Variants in STK3 observed in about 807,000 individuals in gnomAD.
STK3 encodes the protein serine/threonine kinase 3, also known as serine/threonine-protein kinase 3.
A neutral mutation model predicts 58.0 loss-of-function variants in STK3; 41 were observed. The ratio of observed to expected loss-of-function variants is 0.71; its 90% CI spans 0.55 to 0.92. The LOEUF (loss-of-function observed/expected upper bound fraction) is 0.92, where lower values mean the gene tolerates loss of function less well. STK3 is among the 40% of genes least tolerant of loss of function. The pLI is 0.00. For synonymous variants in STK3, 170 were observed against 191.0 expected, an observed-to-expected ratio of 0.89 and a Z score of 0.91; for missense variants, 479 against 602.7, an observed-to-expected ratio of 0.79 and a Z score of 2.15.
At chr8:98,783,024 GGA>G (rs34117067) in intron 1 of STK3, among the ~76,000 whole-genome samples, 29 of 133,674 alleles carry the variant, frequency 2.2e-4, no homozygotes, top group East Asian at 6.4e-4. Context: ...AGAAGGAGAG[GGA>G]GAGAGAGAGA....
chr8:98,687,808 T>G (rs1489310577), intron 6 of STK3, among the ~76,000 whole-genome samples: 1 of 152,116 alleles, frequency 6.6e-6, no homozygotes, highest in African/African-American at 2.4e-5. Flanking sequence ...AGAATGACAT[T>G]TACTAACACA....
intron 3 of STK3, among the ~76,000 whole-genome samples, chr8:98,423,977 CA>C (rs1417168797): frequency 3.9e-5 from 6 of 152,230 alleles, no homozygotes; most frequent in Non-Finnish European, 8.8e-5. Flanking sequence ...CAGGCCAGCC[CA>C]GAGGCAGGCC....
intron 8 of STK3, among the ~76,000 whole-genome samples, chr8:98,569,001 T>C (rs775261423): frequency 2.0e-5 from 3 of 152,060 alleles, no homozygotes; most frequent in Non-Finnish European, 4.4e-5. Flanking sequence ...GGCACATTAT[T>C]AGGAAAGTTT....
Position 98,792,836 on chromosome 8 carries a change from T to C in STK3, c.27-18017A>G, listed in dbSNP as rs189621255. 6.0e-4 allele frequency among the ~76,000 whole-genome samples: 92 copies of C among 152,162 alleles called. 1 individual carries two copies. The highest frequency in any genetic ancestry group is 2.0e-3 in the African/African-American group (83 of 41,498). On this transcript the variant is annotated intron_variant, in intron 1 of 10. Coordinates refer to ENST00000419617, the MANE Select transcript of STK3 (RefSeq NM_006281.4). ...AAGTTTATAGCAGCACAGTTCGCAATTGCAAAAATGTGGAACCAACCTAAA... is the reference window on the plus strand; with the variant it reads ...AAGTTTATAGCAGCACAGTTCGCAACTGCAAAAATGTGGAACCAACCTAAA...
rs1054623035 is a variant in STK3, at chr8:98,454,904, A to T, written c.*938T>A. 1.6e-4 allele frequency: 24 copies of T among 152,510 alleles called. No individual in the cohort carries two copies. The highest frequency in any genetic ancestry group is 5.3e-4 in the African/African-American group (22 of 41,448). The allele number at this position is 152,510 out of a possible 1,614,324, so 9.4% of individuals were successfully genotyped here. A position where few individuals can be genotyped will look rare whatever the true frequency, so the allele number is the denominator to read the frequency against. ...AACATGATGTTTACCAATTCCCAGG[A>T]AATGAATAAAATCAACAGAAACATC... is the stretch of plus-strand genomic sequence containing the variant. On this transcript the variant is annotated 3_prime_UTR_variant, in exon 11 of 11. Coordinates refer to ENST00000419617, the MANE Select transcript of STK3 (RefSeq NM_006281.4).
At chr8:98,909,065 GCAGGAGAATTGCTTGAACC>G (rs1839033723) in intron 1 of STK3, among the ~76,000 whole-genome samples, 1 of 152,094 alleles carries the variant, frequency 6.6e-6, no homozygotes, top group South Asian at 2.1e-4. Context: ...GGTGGCTGAG[GCAGGAGAATTGCTTGAACC>G]CAGGAAATGG....
At chr8:98,653,527 A>G (rs962940842) in intron 6 of STK3, among the ~76,000 whole-genome samples, 1 of 152,204 alleles carries the variant, frequency 6.6e-6, no homozygotes, top group African/African-American at 2.4e-5. Context: ...CCCTTCAAAA[A>G]ATTAATGAAT....
chr8:98,410,964 CTT>C (rs1818047823), intron 3 of STK3, among the ~76,000 whole-genome samples: 1 of 152,174 alleles, frequency 6.6e-6, no homozygotes, highest in Non-Finnish European at 1.5e-5. Flanking sequence ...ACAACATGTC[CTT>C]ATTGCAATGA....
intron 1 of STK3, among the ~76,000 whole-genome samples, chr8:98,934,849 G>A (rs1197581621): frequency 6.6e-6 from 1 of 152,074 alleles, no homozygotes; most frequent in Non-Finnish European, 1.5e-5. Flanking sequence ...CCCAGGAGGT[G>A]GAAGTTGCAA....
At chr8:98,529,614 A>T (rs12550198) in intron 9 of STK3, among the ~76,000 whole-genome samples, 63,236 of 152,052 alleles carry the variant, frequency 0.42, 13,356 homozygotes, top group Admixed American at 0.54. Flanking sequence ...TGAAGAGATA[A>T]CTGTAACCCC....
At chr8:98,412,400 G>A (rs564929782) in intron 3 of STK3, among the ~76,000 whole-genome samples, 47 of 152,256 alleles carry the variant, frequency 3.1e-4, no homozygotes, top group East Asian at 1.2e-3. Flanking sequence ...AAATGGAGCC[G>A]CTAACACAGC....
At chr8:98,496,525 C>T (rs1352282511) in intron 10 of STK3, among the ~76,000 whole-genome samples, 1 of 152,022 alleles carries the variant, frequency 6.6e-6, no homozygotes, top group African/African-American at 2.4e-5. Flanking sequence ...CAATGCAATC[C>T]CTATGGAATC....
intron 4 of STK3, among the ~76,000 whole-genome samples, chr8:98,717,914 A>G (rs566822222): frequency 6.6e-6 from 1 of 152,226 alleles, no homozygotes; most frequent in African/African-American, 2.4e-5. Flanking sequence ...CTGAACCTTG[A>G]GTACATTATG....
At chr8:98,398,564 A>G (rs1307115823), downstream of STK3, among the ~76,000 whole-genome samples, 2 of 152,138 alleles carry the variant, frequency 1.3e-5, no homozygotes, top group African/African-American at 2.4e-5. Flanking sequence ...ATCAGACTAC[A>G]GGCTGTGCCT....
chr8:98,667,874 A>T (rs961341057), intron 6 of STK3, among the ~76,000 whole-genome samples: 2 of 152,028 alleles, frequency 1.3e-5, no homozygotes, highest in African/African-American at 4.8e-5. Context: ...TTGGTAATGA[A>T]AAGAGTATAA....
chr8:98,584,324 C>G (rs544068466), intron 7 of STK3, among the ~76,000 whole-genome samples: 1 of 151,692 alleles, frequency 6.6e-6, no homozygotes, highest in African/African-American at 2.4e-5. Flanking sequence ...GTTCAATTCC[C>G]ACCTATGAGT....
chr8:98,623,543 G>T (rs1247046368), intron 6 of STK3, among the ~76,000 whole-genome samples: 3 of 152,174 alleles, frequency 2.0e-5, no homozygotes, highest in Non-Finnish European at 4.4e-5. Flanking sequence ...CAGCACTTTG[G>T]GAGGCCAAGG....
At chr8:98,722,938 G>T in intron 4 of STK3, 1 of 491,910 alleles carries the variant, frequency 2.0e-6, no homozygotes, top group Admixed American at 2.2e-5. Context: ...ATCACAGCTA[G>T]CACTTCCTTC....
At chr8:98,715,054 G>A (rs1826883471) in intron 4 of STK3, among the ~76,000 whole-genome samples, 1 of 152,112 alleles carries the variant, frequency 6.6e-6, no homozygotes, top group Admixed American at 6.6e-5. Context: ...TTTAATAAAT[G>A]GTGCTGGGAA....
Sources: allele counts gnomAD v4.1 joint callset (sites outside exome capture counted in the v4.1 genomes callset), GRCh38; gene constraint gnomAD v4.1.1; transcripts MANE v1.5; gene names NCBI Gene and HGNC (gene_info 2026-07-23, HGNC 2026-07-21).